Variants in NUP107 observed in about 807,000 individuals in gnomAD.
The protein encoded by NUP107 is nuclear pore complex protein Nup107.
A neutral mutation model predicts 141.0 loss-of-function variants in NUP107; 101 were observed. That is an observed-to-expected ratio of 0.72 (90% CI 0.61 to 0.84). The LOEUF is 0.84. Ranked by LOEUF, NUP107 falls within the 40% of genes least tolerant of loss-of-function variation. The pLI, the probability that NUP107 is intolerant of heterozygous loss-of-function variation, is 0.00. For missense variants in NUP107, 941 were observed against 1,102.7 expected (o/e 0.85, Z 2.08); for synonymous variants, 319 against 363.9 (o/e 0.88, Z 1.41).
In NUP107 at chr12:68,702,795, T is replaced by C. The variant is rs546494827; in HGVS notation, c.729+11T>C. On this transcript the variant is annotated intron_variant, in intron 8 of 27. Coordinates refer to ENST00000229179, the MANE Select transcript of NUP107 (RefSeq NM_020401.4). ...GTATTCGCAGTTACTGTAAGTTTTATATTAATTTTTTCTTTTATAAATACA... is the reference window on the plus strand; with the variant it reads ...GTATTCGCAGTTACTGTAAGTTTTACATTAATTTTTTCTTTTATAAATACA... The C allele has an allele frequency of 2.1e-4, 310 of 1,453,470 alleles. 2 individuals carry two copies. In the South Asian group the frequency reaches 3.8e-3, roughly 18 times the overall value. The allele number at this position is 1,453,470 out of a possible 1,614,324, so 90.0% of individuals were successfully genotyped here. A position where few individuals can be genotyped will look rare whatever the true frequency, so the allele number is the denominator to read the frequency against.
Position 68,688,838 on chromosome 12 carries a change from C to G in NUP107, c.9-124C>G, listed in dbSNP as rs1485244413. On this transcript the variant is annotated intron_variant, in intron 1 of 27. Transcript: ENST00000229179. ...TGCGTTCTCAACAAAAGATCTAAGACTTGGCTACTAGAATGACTATACCTT... is the reference window on the plus strand; with the variant it reads ...TGCGTTCTCAACAAAAGATCTAAGAGTTGGCTACTAGAATGACTATACCTT... The G allele has an allele frequency of 1.4e-5, 8 of 564,946 alleles. No homozygotes were observed. The East Asian group carries it at 2.6e-4, about 18-fold the overall frequency. The allele number at this position is 564,946 out of a possible 1,614,324, so 35.0% of individuals were successfully genotyped here. A position where few individuals can be genotyped will look rare whatever the true frequency, so the allele number is the denominator to read the frequency against.
Position 68,743,446 on chromosome 12 carries a change from T to A in NUP107, c.*984T>A, listed in dbSNP as rs1441800425. ...AAGTAGTCTGAGCAGGAAGAACCTC[T>A]CTCCAGCTGAAAAGACTCTCAGGAA... On this transcript the variant is annotated 3_prime_UTR_variant, in exon 28 of 28. Coordinates refer to ENST00000229179, the MANE Select transcript of NUP107 (RefSeq NM_020401.4). 2 of 152,152 alleles carry A rather than the reference T, an allele frequency of 1.3e-5. No homozygotes were observed. The highest frequency in any genetic ancestry group is 4.8e-5 in the African/African-American group (2 of 41,434). The allele number at this position is 152,152 out of a possible 1,614,324, so 9.4% of individuals were successfully genotyped here. A position where few individuals can be genotyped will look rare whatever the true frequency, so the allele number is the denominator to read the frequency against.
At chr12:68,715,923 G>A (rs775334256) in intron 12 of NUP107, among the ~76,000 whole-genome samples, 183 bp downstream of exon 12, 1 of 152,120 alleles carries the variant, frequency 6.6e-6, no homozygotes, top group Admixed American at 6.5e-5. Flanking sequence ...AGAAAACAAT[G>A]TAATCTAGTT....
In NUP107 at chr12:68,723,487, T is replaced by C. The variant is rs1408460189; in HGVS notation, c.1506+1335T>C. The stretch of plus-strand genomic sequence containing the variant: ...GCTGCATGCCTGTAATCCCAGCTAC[T>C]TGGGAGGCTGAGGCAGGAGAATCAC... On this transcript the variant is annotated intron_variant, in intron 17 of 27. Transcript: ENST00000229179. 2.6e-5 allele frequency among the ~76,000 whole-genome samples: 4 copies of C among 152,238 alleles called. No individual in the cohort carries two copies. In the East Asian group the frequency reaches 7.7e-4, roughly 29 times the overall value.
chr12:68,732,823 G>A (rs1877894414), intron 23 of NUP107, 84 bp downstream of exon 23: 1 of 879,680 alleles, frequency 1.1e-6, no homozygotes, highest in South Asian at 1.6e-5. Context: ...GGGACTACAG[G>A]CACCCACCAC....
chr12:68,725,841 T>TTTTTG, intron 18 of NUP107, 45 bp downstream of exon 18: 1 of 1,042,836 alleles, frequency 9.6e-7, no homozygotes, highest in African/African-American at 1.7e-5. Context: ...GTGTGTGTTT[T>TTTTTG]TTTTTTTTTT....
chr12:68,693,083 T>A (rs1220107886), intron 5 of NUP107, among the ~76,000 whole-genome samples: 5 of 148,448 alleles, frequency 3.4e-5, no homozygotes, highest in Non-Finnish European at 7.5e-5. Flanking sequence ...ATTTATTTAT[T>A]TATTTTTTTT....
At chr12:68,707,571 C>G (rs1461715864) in intron 8 of NUP107, among the ~76,000 whole-genome samples, 1 of 152,176 alleles carries the variant, frequency 6.6e-6, no homozygotes, top group African/African-American at 2.4e-5. Context: ...TGCACTCCAG[C>G]CTGGGTGACA....
chr12:68,728,582 C>G (rs1877673368), intron 20 of NUP107, among the ~76,000 whole-genome samples: 1 of 151,620 alleles, frequency 6.6e-6, no homozygotes, highest in Admixed American at 6.6e-5. Context: ...GGCTAATTGT[C>G]TGTATTTTTA....
At chr12:68,687,775 T>A in intron 1 of NUP107, 2 of 461,142 alleles carry the variant, frequency 4.3e-6, no homozygotes, top group Non-Finnish European at 2.9e-6. Context: ...TTAGCTTATT[T>A]AATCTTCAGA....
chr12:68,720,181 A>T (rs916929463), intron 14 of NUP107, among the ~76,000 whole-genome samples: 4 of 152,338 alleles, frequency 2.6e-5, no homozygotes, highest in Admixed American at 2.6e-4. Flanking sequence ...TAAGAGAAAA[A>T]TACTCAAAAA....
In NUP107 at chr12:68,734,926, G is replaced by A. The variant is rs568207366; in HGVS notation, c.2388+93G>A. 235 of 1,350,712 alleles carry A rather than the reference G, an allele frequency of 1.7e-4. 2 individuals carry two copies. The South Asian group carries it at 3.0e-3, about 17-fold the overall frequency. The allele number at this position is 1,350,712 out of a possible 1,614,324, so 83.7% of individuals were successfully genotyped here. A position where few individuals can be genotyped will look rare whatever the true frequency, so the allele number is the denominator to read the frequency against. Reference sequence around the variant, plus strand: ...ATCGTTTCTTCAGCAACTATCTTTCGATCATAACAGGTAATCTCCCTGTTA... The same window carrying A: ...ATCGTTTCTTCAGCAACTATCTTTCAATCATAACAGGTAATCTCCCTGTTA... On this transcript the variant is annotated intron_variant, in intron 25 of 27. Transcript: ENST00000229179.
Position 68,721,976 on chromosome 12 carries a change from C to T in NUP107, c.1447C>T (p.Leu483=). Residue 483 remains leucine (L), a synonymous_variant, in exon 16 of 28, where the codon CTG becomes TTG. Transcript: ENST00000229179. ...AACTGAAGAACTCCCTAGAGAATATCTGGGAGCAAAGTGAGTTTGTTGGAT... is the reference window on the plus strand; with the variant it reads ...AACTGAAGAACTCCCTAGAGAATATTTGGGAGCAAAGTGAGTTTGTTGGAT... The part of the protein sequence containing the change: ...DETEELPREY[L]GANWTLEKVF... The T allele has an allele frequency of 6.2e-7, 1 of 1,613,496 alleles. No homozygotes were observed.
intron 12 of NUP107, among the ~76,000 whole-genome samples, chr12:68,716,123 C>T (rs1877094675): frequency 6.6e-6 from 1 of 151,540 alleles, no homozygotes; most frequent in South Asian, 2.1e-4. Flanking sequence ...AACTTCTGGC[C>T]TTAAGTGATC....
intron 6 of NUP107, among the ~76,000 whole-genome samples, chr12:68,697,464 A>G (rs1876120704): frequency 3.4e-5 from 4 of 117,032 alleles, no homozygotes; most frequent in African/African-American, 1.3e-4. Context: ...AGAACTCAAC[A>G]ATAAGAAATG....
chr12:68,734,029 G>A (rs951151414), intron 24 of NUP107, among the ~76,000 whole-genome samples: 2 of 152,096 alleles, frequency 1.3e-5, no homozygotes, highest in African/African-American at 4.8e-5. Context: ...CCAACACTTC[G>A]GGATGCCAAG....
chr12:68,691,857 G>T, intron 4 of NUP107, 111 bp from the exon 5 acceptor site: 198 of 638,906 alleles, frequency 3.1e-4, no homozygotes, highest in Non-Finnish European at 4.4e-4. Flanking sequence ...AAAAAAAAAA[G>T]ACGCATACAT....
intron 6 of NUP107, among the ~76,000 whole-genome samples, chr12:68,699,472 A>T (rs542172374): frequency 5.9e-5 from 9 of 152,230 alleles, no homozygotes; most frequent in Non-Finnish European, 1.3e-4. Context: ...TTGAAATAAT[A>T]GTAATAGACA....
intron 8 of NUP107, chr12:68,706,987 C>T (rs1876614080): frequency 3.2e-6 from 2 of 634,352 alleles, no homozygotes; most frequent in Non-Finnish European, 5.6e-6. Flanking sequence ...TCAGCTGCAC[C>T]AGCTCCACCA....
Sources: gnomAD v4.1 joint callset for allele counts (sites outside exome capture counted in the v4.1 genomes callset) on GRCh38, gnomAD v4.1.1 for gene constraint, MANE v1.5 for transcripts, NCBI Gene and HGNC (gene_info 2026-07-23, HGNC 2026-07-21) for gene names.